The following OSBPL8 variants were observed in gnomAD, a reference collection of about 807,000 sequenced individuals.
OSBPL8 encodes the protein oxysterol-binding protein-related protein 8.
OSBPL8 carries 59 observed loss-of-function variants against 125.5 expected under a neutral mutation model. The ratio of observed to expected loss-of-function variants is 0.47; its 90% CI spans 0.38 to 0.58. The LOEUF (loss-of-function observed/expected upper bound fraction) is 0.58, where lower values mean the gene tolerates loss of function less well. Ranked by LOEUF, OSBPL8 falls within the 20% of genes least tolerant of loss-of-function variation. The pLI, the probability that OSBPL8 is intolerant of heterozygous loss-of-function variation, is 0.00. For missense variants in OSBPL8, 758 were observed against 1,047.8 expected, an observed-to-expected ratio of 0.72 and a Z score of 3.82; for synonymous variants, 330 against 338.9, an observed-to-expected ratio of 0.97 and a Z score of 0.29.
chr12:76,531,222 T>G (rs1261048552), intron 1 of OSBPL8, among the ~76,000 whole-genome samples: 1 of 152,194 alleles, frequency 6.6e-6, no homozygotes, highest in Non-Finnish European at 1.5e-5. Context: ...AGAAGTGCTT[T>G]TTAAAGTCAT....
intron 4 of OSBPL8, among the ~76,000 whole-genome samples, chr12:76,445,019 T>A (rs2136685428): frequency 6.6e-6 from 1 of 152,304 alleles, no homozygotes; most frequent in East Asian, 1.9e-4. Context: ...CTTCATAGGA[T>A]CCATGTGTTC....
chr12:76,476,219 T>C (rs1405425790), intron 2 of OSBPL8, among the ~76,000 whole-genome samples: 1 of 152,198 alleles, frequency 6.6e-6, no homozygotes, highest in Non-Finnish European at 1.5e-5. Flanking sequence ...CTCTTACCTT[T>C]CTATGTAGGA....
At chr12:76,450,729 C>T in intron 4 of OSBPL8, 122 bp downstream of exon 4, 1 of 993,864 alleles carries the variant, frequency 1.0e-6, no homozygotes, top group Non-Finnish European at 1.4e-6. Flanking sequence ...AACAAAACCC[C>T]TTACAAAACC....
chr12:76,447,248 C>A (rs1001416437), intron 4 of OSBPL8, among the ~76,000 whole-genome samples: 1 of 152,052 alleles, frequency 6.6e-6, no homozygotes, highest in Non-Finnish European at 1.5e-5. Context: ...AATGAAAAGA[C>A]GCAACTTTCA....
intron 3 of OSBPL8, among the ~76,000 whole-genome samples, chr12:76,458,977 T>C (rs1333475125): frequency 1.3e-5 from 2 of 152,226 alleles, no homozygotes; most frequent in Non-Finnish European, 2.9e-5. Flanking sequence ...TATTCATCAA[T>C]GAAGTTAAAA....
At chr12:76,521,255 T>C (rs1222332590) in intron 1 of OSBPL8, among the ~76,000 whole-genome samples, 1 of 152,100 alleles carries the variant, frequency 6.6e-6, no homozygotes, top group African/African-American at 2.4e-5. Flanking sequence ...TAAAGGGGCG[T>C]AAATAACAAG....
intron 5 of OSBPL8, among the ~76,000 whole-genome samples, chr12:76,408,268 T>C (rs1345705781): frequency 2.0e-5 from 3 of 151,294 alleles, no homozygotes; most frequent in Non-Finnish European, 4.4e-5. Flanking sequence ...GAGACCATCC[T>C]GGCTAACACG....
At chr12:76,547,263 G>C (rs1372371126) in intron 1 of OSBPL8, among the ~76,000 whole-genome samples, 2 of 152,174 alleles carry the variant, frequency 1.3e-5, no homozygotes, top group Non-Finnish European at 2.9e-5. Context: ...TATCACAGAA[G>C]AGAGGGAAAT....
At chr12:76,373,817 GA>G (rs1952711266) in intron 17 of OSBPL8, among the ~76,000 whole-genome samples, 1 of 151,942 alleles carries the variant, frequency 6.6e-6, no homozygotes, top group Non-Finnish European at 1.5e-5. Flanking sequence ...ACGATCCATT[GA>G]AATAAATAAC....
intron 23 of OSBPL8, among the ~76,000 whole-genome samples, 195 bp downstream of exon 23, chr12:76,356,431 T>A (rs1951988935): frequency 6.6e-6 from 1 of 152,010 alleles, no homozygotes; most frequent in Non-Finnish European, 1.5e-5. Context: ...AAAAACAACC[T>A]CTCCTTCCTT....
intron 5 of OSBPL8, among the ~76,000 whole-genome samples, chr12:76,405,789 T>C (rs1222377343): frequency 6.6e-6 from 1 of 152,224 alleles, no homozygotes; most frequent in African/African-American, 2.4e-5. Flanking sequence ...TTTCCCTGCC[T>C]TCATAAACTT....
chr12:76,506,785 A>T (rs1029564499), intron 1 of OSBPL8, among the ~76,000 whole-genome samples: 19 of 152,216 alleles, frequency 1.2e-4, no homozygotes, highest in African/African-American at 4.6e-4. Context: ...GTATAAGTAC[A>T]CCAATCTCTT....
chr12:76,457,035 G>C (rs1409614576), intron 3 of OSBPL8, among the ~76,000 whole-genome samples: 3 of 152,104 alleles, frequency 2.0e-5, no homozygotes, highest in Non-Finnish European at 4.4e-5. Context: ...CGTTATTCAA[G>C]GTTTACAATA....
intron 4 of OSBPL8, among the ~76,000 whole-genome samples, chr12:76,419,232 T>C (rs775414673): frequency 3.9e-5 from 6 of 152,140 alleles, no homozygotes; most frequent in South Asian, 2.1e-4. Context: ...CGAGACTCCA[T>C]CTCAAAACAA....
At chr12:76,525,732 T>TA (rs1302000629) in intron 1 of OSBPL8, among the ~76,000 whole-genome samples, 1 of 152,046 alleles carries the variant, frequency 6.6e-6, no homozygotes, top group East Asian at 1.9e-4. Flanking sequence ...TGAGGGAGTA[T>TA]AAAAAATAAA....
intron 4 of OSBPL8, chr12:76,422,479 G>A (rs973602777): frequency 4.4e-6 from 2 of 452,180 alleles, no homozygotes; most frequent in African/African-American, 4.0e-5. Context: ...AAGTCTGCAA[G>A]AAATTAGGAA....
chr12:76,438,303 C>T (rs1419892837), intron 4 of OSBPL8, among the ~76,000 whole-genome samples: 1 of 130,640 alleles, frequency 7.7e-6, no homozygotes, highest in African/African-American at 2.8e-5. Context: ...TTCTTAATAA[C>T]TTTTTTTTTT....
chr12:76,466,882 C>T (rs1409129115), intron 2 of OSBPL8, among the ~76,000 whole-genome samples: 1 of 151,920 alleles, frequency 6.6e-6, no homozygotes, highest in Non-Finnish European at 1.5e-5. Context: ...ATCGCTTGAA[C>T]CCGGGGGCGG....
At chr12:76,498,326 CAA>C (rs1879495805) in intron 1 of OSBPL8, among the ~76,000 whole-genome samples, 1 of 152,142 alleles carries the variant, frequency 6.6e-6, no homozygotes, top group Non-Finnish European at 1.5e-5. Context: ...TTTAAAAAAT[CAA>C]AAACTGTACA....
Sources: allele counts gnomAD v4.1 joint callset (sites outside exome capture counted in the v4.1 genomes callset), GRCh38; gene constraint gnomAD v4.1.1; transcripts MANE v1.5; gene names NCBI Gene and HGNC (gene_info 2026-07-23, HGNC 2026-07-21).